Variants in RAPGEF4 observed in about 807,000 individuals in gnomAD.
RAPGEF4 encodes the protein Rap guanine nucleotide exchange factor 4.
Under a neutral mutation model 147.9 loss-of-function variants are expected in RAPGEF4, and 66 were observed. The observed-to-expected ratio is 0.45, with a 90% CI of 0.37 to 0.55. The LOEUF (loss-of-function observed/expected upper bound fraction) is 0.55, where lower values mean the gene tolerates loss of function less well. RAPGEF4 is among the 20% of genes least tolerant of loss of function. The pLI, the probability that RAPGEF4 is intolerant of heterozygous loss-of-function variation, is 0.00. For synonymous variants in RAPGEF4, 419 were observed against 442.7 expected (o/e 0.95, Z 0.67); for missense variants, 1,071 against 1,257.3 (o/e 0.85, Z 2.24).
intron 1 of RAPGEF4, among the ~76,000 whole-genome samples, chr2:172,763,943 C>T (rs1696586411): frequency 6.6e-6 from 1 of 152,030 alleles, no homozygotes; most frequent in African/African-American, 2.4e-5. Context: ...GGAAATACTA[C>T]TTAACCTATA....
At chr2:172,834,176 C>T (rs1271489373) in intron 4 of RAPGEF4, among the ~76,000 whole-genome samples, 1 of 152,210 alleles carries the variant, frequency 6.6e-6, no homozygotes, top group African/African-American at 2.4e-5. Context: ...CTCTCTTTCT[C>T]TTTACACACC....
chr2:172,892,590 G>C (rs1698048106), intron 4 of RAPGEF4, among the ~76,000 whole-genome samples: 1 of 152,204 alleles, frequency 6.6e-6, no homozygotes, highest in Non-Finnish European at 1.5e-5. Flanking sequence ...AGATAACAGG[G>C]GATTGCAGTC....
At chr2:172,947,811 G>T (rs1302460145) in intron 6 of RAPGEF4, among the ~76,000 whole-genome samples, 2 of 151,936 alleles carry the variant, frequency 1.3e-5, no homozygotes, top group East Asian at 1.9e-4. Context: ...TTTCATTAAA[G>T]AATATATATA....
At chr2:172,967,174 C>T in intron 9 of RAPGEF4, 87 bp from the exon 10 acceptor site, 1 of 1,374,232 alleles carries the variant, frequency 7.3e-7, no homozygotes, top group Non-Finnish European at 1.0e-6. Context: ...CTTGGCCCTC[C>T]TGCCTGACAC....
chr2:172,889,635 A>G (rs933549459), intron 4 of RAPGEF4: 1 of 152,658 alleles, frequency 6.6e-6, no homozygotes, highest in Non-Finnish European at 1.5e-5. Flanking sequence ...ATATATGTAT[A>G]TATACATATA....
chr2:173,014,330 G>A (rs1215282626), intron 17 of RAPGEF4, 134 bp from the exon 18 acceptor site: 4 of 1,088,822 alleles, frequency 3.7e-6, no homozygotes, highest in Non-Finnish European at 5.4e-6. Flanking sequence ...GGTTTTTCAT[G>A]AGGGCCTAGG....
chr2:173,010,689 T>C (rs1694917927), intron 17 of RAPGEF4, among the ~76,000 whole-genome samples: 2 of 152,228 alleles, frequency 1.3e-5, no homozygotes, highest in Admixed American at 1.3e-4. Context: ...TTACAAACTT[T>C]CTAAAAGCCT....
chr2:173,016,471 C>T, intron 19 of RAPGEF4, 34 bp downstream of exon 19: 1 of 1,526,236 alleles, frequency 6.6e-7, no homozygotes, highest in South Asian at 1.1e-5. Context: ...GGTGTGCTTT[C>T]ATCAAGTAAA....
chr2:172,941,476 C>T (rs1203971553), intron 6 of RAPGEF4, among the ~76,000 whole-genome samples: 3 of 151,978 alleles, frequency 2.0e-5, no homozygotes, highest in Non-Finnish European at 2.9e-5. Flanking sequence ...ATTCACTTCA[C>T]GAAGTTATTG....
intron 4 of RAPGEF4, among the ~76,000 whole-genome samples, chr2:172,908,491 G>T (rs1354033553): frequency 6.6e-6 from 1 of 152,002 alleles, no homozygotes; most frequent in Admixed American, 6.6e-5. Context: ...AACCATAGAA[G>T]TCATCTTAAC....
intron 1 of RAPGEF4, among the ~76,000 whole-genome samples, chr2:172,778,900 A>G (rs1000902783): frequency 1.3e-5 from 2 of 152,228 alleles, no homozygotes; most frequent in Admixed American, 1.3e-4. Context: ...TAAAAAATGA[A>G]TAATTGCTTA....
chr2:173,019,265 A>G (rs1695810807), intron 22 of RAPGEF4, among the ~76,000 whole-genome samples: 1 of 152,218 alleles, frequency 6.6e-6, no homozygotes, highest in African/African-American at 2.4e-5. Context: ...CTCAAATGAA[A>G]TGAGGAATAT....
intron 4 of RAPGEF4, among the ~76,000 whole-genome samples, chr2:172,857,206 C>A (rs1693523615): frequency 6.8e-6 from 1 of 147,780 alleles, no homozygotes; most frequent in South Asian, 2.1e-4. Flanking sequence ...ACACACAGAG[C>A]GAGTCTTAGT....
At chr2:172,738,444 G>A (rs1694009209) in intron 1 of RAPGEF4, among the ~76,000 whole-genome samples, 1 of 152,054 alleles carries the variant, frequency 6.6e-6, no homozygotes, top group Admixed American at 6.5e-5. Flanking sequence ...AGTGCTTTGG[G>A]AATGCAGATG....
intron 4 of RAPGEF4, among the ~76,000 whole-genome samples, chr2:172,886,165 G>A (rs1448840820): frequency 1.3e-5 from 2 of 152,180 alleles, no homozygotes; most frequent in East Asian, 1.9e-4. Flanking sequence ...AGAGCTTGGC[G>A]TATTTGCAAT....
intron 1 of RAPGEF4, among the ~76,000 whole-genome samples, chr2:172,746,152 T>C (rs1023826137): frequency 1.3e-5 from 2 of 152,230 alleles, no homozygotes; most frequent in Admixed American, 1.3e-4. Flanking sequence ...CTGGAATCAT[T>C]CTATTCTGTG....
chr2:172,767,326 G>A lies in RAPGEF4; in HGVS notation c.66-27699G>A, dbSNP rs1696943658. Among the ~76,000 whole-genome samples the A allele has an allele frequency of 2.6e-5, 4 of 151,954 alleles. No individual in the cohort carries two copies. In the South Asian group the frequency reaches 8.3e-4, roughly 32 times the overall value. Reference sequence around the variant, plus strand: ...CCCGAGTAGCTGGGATTACAGGCATGCGCCACCATGCCCGGCTAGTTTTTG... The same window carrying A: ...CCCGAGTAGCTGGGATTACAGGCATACGCCACCATGCCCGGCTAGTTTTTG... On this transcript the variant is annotated intron_variant, in intron 1 of 30. Transcript: ENST00000397081.
At chr2:172,788,159 C>T (rs1685424134) in intron 1 of RAPGEF4, among the ~76,000 whole-genome samples, 1 of 152,180 alleles carries the variant, frequency 6.6e-6, no homozygotes, top group Admixed American at 6.5e-5. Context: ...ACGGTCTAAT[C>T]ACCTCCCAAA....
intron 4 of RAPGEF4, among the ~76,000 whole-genome samples, chr2:172,873,839 C>G (rs889104248): frequency 1.3e-5 from 2 of 151,994 alleles, no homozygotes; most frequent in African/African-American, 4.8e-5. Context: ...AAGAACTCAA[C>G]CAAATTTACA....
Sources: allele counts gnomAD v4.1 joint callset (sites outside exome capture counted in the v4.1 genomes callset), GRCh38; gene constraint gnomAD v4.1.1; transcripts MANE v1.5; gene names NCBI Gene and HGNC (gene_info 2026-07-23, HGNC 2026-07-21).